C1orf115: variants seen among roughly 807,000 people sequenced by gnomAD.
C1orf115 encodes the protein required for drug-induced death protein 1.
Under a neutral mutation model 12.5 loss-of-function variants are expected in C1orf115, and 14 were observed. The observed-to-expected ratio is 1.12, with a 90% CI of 0.74 to 1.75. C1orf115 has a LOEUF of 1.75. C1orf115 is among the 40% of genes most tolerant of loss of function. The pLI is 0.00. For synonymous variants in C1orf115, 109 were observed against 104.6 expected, an observed-to-expected ratio of 1.04 and a Z score of -0.26; for missense variants, 237 against 220.8, an observed-to-expected ratio of 1.07 and a Z score of -0.46.
At position 220,696,514 on chromosome 1, in the gene C1orf115, T is replaced by C. The variant is rs546683277; in HGVS notation, c.310-98T>C. The C allele has an allele frequency of 1.2e-4, 160 of 1,341,348 alleles. No homozygotes were observed. In the African/African-American group the frequency reaches 2.0e-3, roughly 17 times the overall value. 83.1% of individuals were successfully genotyped at this position (1,341,348 alleles called of 1,614,324 possible). On this transcript the variant is annotated intron_variant, in intron 1 of 1. Transcript: ENST00000294889. ...AGAGAATCAGGAAAAATGATCTTTATATATGTCGCCGTGACTCATTTTTTT... is the reference window on the plus strand; with the variant it reads ...AGAGAATCAGGAAAAATGATCTTTACATATGTCGCCGTGACTCATTTTTTT...
chr1:220,693,704 C>T (rs571869440), intron 1 of C1orf115, among the ~76,000 whole-genome samples: 1 of 152,300 alleles, frequency 6.6e-6, no homozygotes, highest in African/African-American at 2.4e-5. Flanking sequence ...CAGCCTCTTT[C>T]TACATGCTCA....
At position 220,690,388 on chromosome 1, in the gene C1orf115, A is replaced by G; in HGVS notation, c.-15A>G. The G allele has an allele frequency of 7.2e-7, 1 of 1,392,544 alleles. No homozygotes were observed. Among genetic ancestry groups the G allele is most frequent in the South Asian group, 1.6e-5 (1 of 62,860 alleles). The allele number at this position is 1,392,544 out of a possible 1,614,324, so 86.3% of individuals were successfully genotyped here. A position where few individuals can be genotyped will look rare whatever the true frequency, so the allele number is the denominator to read the frequency against. On this transcript the variant is annotated 5_prime_UTR_variant, in exon 1 of 2. Coordinates refer to ENST00000294889, the MANE Select transcript of C1orf115 (RefSeq NM_024709.5). ...GTCTTTGCGCTCGGACCTTCGCCAG[A>G]GGGGCCGGGACATCATGACGGTGGG...
chr1:220,696,726 C>T lies in C1orf115; in HGVS notation c.424C>T (p.Arg142Cys), dbSNP rs541591996. 5.0e-6 allele frequency: 8 copies of T among 1,587,082 alleles called. No individual in the cohort carries two copies. Among genetic ancestry groups the T allele is most frequent in the East Asian group, 2.3e-5 (1 of 44,196 alleles). Residue 142 changes from arginine to cysteine, a missense_variant, in exon 2 of 2, where the codon CGC becomes TGC. Physicochemically the swap from Arg to Cys is radical, Grantham distance 180. Transcript: ENST00000294889. ...AGCCACCAGCGTGGTATCCTTCGTG[C>T]GCTAATGGGAGCTGCTGTGGCAGGT... ...AVATSVVSFVR is the reference protein window; with the variant it reads ...AVATSVVSFVC
intron 1 of C1orf115, 35 bp downstream of exon 1, chr1:220,690,746 C>T: frequency 1.9e-6 from 3 of 1,551,846 alleles, no homozygotes; most frequent in Middle Eastern, 2.0e-4. Flanking sequence ...CCGGGGGGCG[C>T]GGGTGTGGTG....
At position 220,690,559 on chromosome 1, in the gene C1orf115, A is replaced by G. The variant is rs1156234741; in HGVS notation, c.157A>G (p.Thr53Ala). 2.0e-6 allele frequency: 3 copies of G among 1,475,522 alleles called. No individual in the cohort carries two copies. Among genetic ancestry groups the G allele is most frequent in the Non-Finnish European group, 2.7e-6 (3 of 1,118,146 alleles). 91.4% of individuals were successfully genotyped at this position (1,475,522 alleles called of 1,614,324 possible). A position where few individuals can be genotyped will look rare whatever the true frequency, so the allele number is the denominator to read the frequency against. ...GGCGGAGGCGGCGGCCGAGAGCGGG[A>G]CGAGCGCGGCGGACGAGCGGGGCCC... The part of the protein sequence containing the change: ...DEAEAAAESG[T>A]SAADERGPGT... The change falls in exon 1 of 2, where the codon ACG becomes GCG. Residue 53 changes from threonine (T) to alanine (A), a missense_variant. Coordinates refer to ENST00000294889, the MANE Select transcript of C1orf115 (RefSeq NM_024709.5).
chr1:220,690,400 A>G lies in C1orf115; in HGVS notation c.-3A>G. ...GGACCTTCGCCAGAGGGGCCGGGAC[A>G]TCATGACGGTGGGAGCCAGGCTCCG... On this transcript the variant is annotated 5_prime_UTR_variant, in exon 1 of 2. Transcript: ENST00000294889. 7.0e-7 allele frequency: 1 copy of G among 1,423,718 alleles called. No homozygotes were observed. Among genetic ancestry groups the G allele is most frequent in the South Asian group, 1.5e-5 (1 of 68,144 alleles). The allele number at this position is 1,423,718 out of a possible 1,614,324, so 88.2% of individuals were successfully genotyped here.
Position 220,690,628 on chromosome 1 carries a change from G to C in C1orf115, c.226G>C (p.Glu76Gln), listed in dbSNP as rs536997214. 9.6e-6 allele frequency: 15 copies of C among 1,558,058 alleles called. No individual in the cohort carries two copies. The East Asian group carries it at 3.3e-4, about 34-fold the overall frequency. The part of the protein sequence containing the change: ...ARRVHFALLP[E>Q]RYEPLEEPAP... ...GAGGGTGCACTTCGCCCTCCTGCCC[G>C]AGCGCTACGAGCCACTGGAGGAGCC... is the stretch of plus-strand genomic sequence containing the variant. The change falls in exon 1 of 2, where the codon GAG (glutamate) becomes CAG (glutamine). Residue 76 changes from glutamate (E) to glutamine (Q), a missense_variant. Transcript: ENST00000294889.
In C1orf115 at chr1:220,696,723, G is replaced by A. The variant is rs774658262; in HGVS notation, c.421G>A (p.Val141Met). 34 of 1,588,874 alleles carry A rather than the reference G, an allele frequency of 2.1e-5. No individual in the cohort carries two copies. Among genetic ancestry groups the A allele is most frequent in the African/African-American group, 2.0e-4 (15 of 74,592 alleles). Residue 141 changes from valine to methionine, a missense_variant, in exon 2 of 2, where the codon GTG becomes ATG. Physicochemically the swap from Val to Met is conservative, Grantham distance 21 (BLOSUM62 1). Coordinates refer to ENST00000294889, the MANE Select transcript of C1orf115 (RefSeq NM_024709.5). ...GGTAGCCACCAGCGTGGTATCCTTC[G>A]TGCGCTAATGGGAGCTGCTGTGGCA... ...FAVATSVVSF[V>M]R
At chr1:220,693,848 G>A (rs1397167460) in intron 1 of C1orf115, among the ~76,000 whole-genome samples, 1 of 152,136 alleles carries the variant, frequency 6.6e-6, no homozygotes, top group East Asian at 1.9e-4. Flanking sequence ...GGAGGCTGAG[G>A]CGGGTGGATC....
rs1169472225 is a variant in C1orf115, at chr1:220,690,479, C to A, written c.77C>A (p.Thr26Asn). The A allele has an allele frequency of 1.4e-6, 2 of 1,438,610 alleles. No individual in the cohort carries two copies. The highest frequency in any genetic ancestry group is 6.2e-5 in the Admixed American group (2 of 32,074). 89.1% of individuals were successfully genotyped at this position (1,438,610 alleles called of 1,614,324 possible). ...CGCGGGCCCCGAGGGCGAGGGCGAA[C>A]CGAGGGGGACGAGGAGGCGGCCGCC... ...LRRGPRGRGR[T>N]EGDEEAAAIL... The change falls in exon 1 of 2, where the codon ACC becomes AAC. Residue 26 changes from threonine (T) to asparagine (N), a missense_variant. Physicochemically the swap from Thr to Asn is moderately conservative, Grantham distance 65. Transcript: ENST00000294889.
At chr1:220,695,987 C>G (rs558140520) in intron 1 of C1orf115, among the ~76,000 whole-genome samples, 2 of 152,250 alleles carry the variant, frequency 1.3e-5, no homozygotes, top group African/African-American at 4.8e-5. Context: ...GTCCCCTACC[C>G]AGCCTTGTAG....
chr1:220,695,555 G>C (rs962238048), intron 1 of C1orf115, among the ~76,000 whole-genome samples: 2 of 148,958 alleles, frequency 1.3e-5, no homozygotes, highest in African/African-American at 5.0e-5. Flanking sequence ...TGAAGGTATG[G>C]AGACTTGGGT....
chr1:220,693,886 C>G (rs1230616285), intron 1 of C1orf115, among the ~76,000 whole-genome samples: 1 of 152,000 alleles, frequency 6.6e-6, no homozygotes, highest in Non-Finnish European at 1.5e-5. Flanking sequence ...GGAAACCAGA[C>G]TGACGAACAT....
At chr1:220,691,252 C>T (rs1378893475) in intron 1 of C1orf115, among the ~76,000 whole-genome samples, 1 of 151,936 alleles carries the variant, frequency 6.6e-6, no homozygotes, top group Non-Finnish European at 1.5e-5. Context: ...CTCGTCTAGC[C>T]AACTATCAGT....
In C1orf115 at chr1:220,690,500, C is replaced by T. The variant is rs980682394; in HGVS notation, c.98C>T (p.Ala33Val). The change falls in exon 1 of 2, where the codon GCC becomes GTC. Residue 33 changes from alanine (A) to valine (V), a missense_variant. By Grantham distance (64) the Ala-to-Val change is moderately conservative (BLOSUM62 0). Coordinates refer to ENST00000294889, the MANE Select transcript of C1orf115 (RefSeq NM_024709.5). ...RGRTEGDEEA[A>V]AILEHLEYAD... ...CGAACCGAGGGGGACGAGGAGGCGGCCGCCATCCTGGAGCACCTGGAGTAC... is the reference window on the plus strand; with the variant it reads ...CGAACCGAGGGGGACGAGGAGGCGGTCGCCATCCTGGAGCACCTGGAGTAC... The T allele has an allele frequency of 9.8e-6, 14 of 1,433,090 alleles. No individual in the cohort carries two copies. The highest frequency in any genetic ancestry group is 2.9e-5 in the East Asian group (1 of 34,138). 88.8% of individuals were successfully genotyped at this position (1,433,090 alleles called of 1,614,324 possible). A position where few individuals can be genotyped will look rare whatever the true frequency, so the allele number is the denominator to read the frequency against.
Position 220,699,110 on chromosome 1 carries a change from C to T in C1orf115, c.*2379C>T, listed in dbSNP as rs75257712. 0.029 allele frequency: 4,347 copies of T among 152,234 alleles called. 86 individuals carry two copies. The highest frequency in any genetic ancestry group is 0.063 in the South Asian group (303 of 4,826). 9.4% of individuals were successfully genotyped at this position (152,234 alleles called of 1,614,324 possible). A position where few individuals can be genotyped will look rare whatever the true frequency, so the allele number is the denominator to read the frequency against. On this transcript the variant is annotated 3_prime_UTR_variant, in exon 2 of 2. Transcript: ENST00000294889. ...TTGACCAAGAGACTTCTTTTGTATC[C>T]TTTTCTTGTCCTATGATGTAAATAA...
At chr1:220,690,984 G>A (rs1336931033) in intron 1 of C1orf115, among the ~76,000 whole-genome samples, 1 of 152,186 alleles carries the variant, frequency 6.6e-6, no homozygotes, top group Non-Finnish European at 1.5e-5. Flanking sequence ...TACCGCGGTG[G>A]TTTTTATGTA....
Position 220,690,393 on chromosome 1 carries a change from C to A in C1orf115, c.-10C>A. ...TGCGCTCGGACCTTCGCCAGAGGGG[C>A]CGGGACATCATGACGGTGGGAGCCA... On this transcript the variant is annotated 5_prime_UTR_variant, in exon 1 of 2. Transcript: ENST00000294889. 2 of 1,412,312 alleles carry A rather than the reference C, an allele frequency of 1.4e-6. No individual in the cohort carries two copies. The highest frequency in any genetic ancestry group is 1.8e-6 in the Non-Finnish European group (2 of 1,091,120). 87.5% of individuals were successfully genotyped at this position (1,412,312 alleles called of 1,614,324 possible). A position where few individuals can be genotyped will look rare whatever the true frequency, so the allele number is the denominator to read the frequency against.
chr1:220,693,108 C>T (rs924631515), intron 1 of C1orf115, among the ~76,000 whole-genome samples: 1 of 152,136 alleles, frequency 6.6e-6, no homozygotes, highest in African/African-American at 2.4e-5. Context: ...TCCCCGAGAC[C>T]CCAGCTCCCC....
Sources: allele counts gnomAD v4.1 joint callset (sites outside exome capture counted in the v4.1 genomes callset), GRCh38; gene constraint gnomAD v4.1.1; transcripts MANE v1.5; gene names NCBI Gene and HGNC (gene_info 2026-07-23, HGNC 2026-07-21).